The following CERS3 variants were observed in gnomAD, a reference collection of about 807,000 sequenced individuals.
CERS3 encodes LAG1 homolog, ceramide synthase 3.
In CERS3, 33 loss-of-function variants were observed where a neutral mutation model predicts 50.3. That is an observed-to-expected ratio of 0.66 (90% CI 0.50 to 0.88). CERS3 has a LOEUF of 0.88. Among genes scored for constraint, CERS3 ranks in the 40% least tolerant of loss-of-function variants. The pLI is 0.00. For synonymous variants in CERS3, 176 were observed against 155.2 expected (o/e 1.13, Z -0.99); for missense variants, 470 against 460.3 (o/e 1.02, Z -0.19).
At chr15:100,411,949 C>A (rs990494034) in intron 11 of CERS3, among the ~76,000 whole-genome samples, 2 of 152,080 alleles carry the variant, frequency 1.3e-5, no homozygotes, top group Admixed American at 1.3e-4. Flanking sequence ...CAATTTTGAA[C>A]CCAGGTCATT....
chr15:100,508,300 C>G (rs956065379), intron 2 of CERS3, among the ~76,000 whole-genome samples: 1 of 152,142 alleles, frequency 6.6e-6, no homozygotes, highest in Admixed American at 6.5e-5. Context: ...TAATGACACT[C>G]TTAGTTACTG....
rs143254324 is a variant in CERS3, at chr15:100,456,172, T to C, written c.846-126A>G. ...TCGTTTCTAATAAAGCCCAGAAAAT[T>C]ATCAAAAGAAAAGATACGATAATAT... On this transcript the variant is annotated intron_variant, in intron 10 of 11. Transcript: ENST00000679737. The C allele has an allele frequency of 3.5e-4, 203 of 577,570 alleles. 1 individual carries two copies. The highest frequency in any genetic ancestry group is 3.4e-3 in the African/African-American group (178 of 51,938). 35.8% of individuals were successfully genotyped at this position (577,570 alleles called of 1,614,324 possible).
intron 1 of CERS3, among the ~76,000 whole-genome samples, chr15:100,524,165 G>A (rs975857829): frequency 2.6e-5 from 4 of 151,976 alleles, no homozygotes; most frequent in African/African-American, 4.8e-5. Flanking sequence ...TTAATTAGTC[G>A]GTTATGACCA....
At chr15:100,442,410 C>A (rs939036391) in intron 11 of CERS3, among the ~76,000 whole-genome samples, 1 of 152,190 alleles carries the variant, frequency 6.6e-6, no homozygotes, top group Admixed American at 6.5e-5. Context: ...AGAATAGAGG[C>A]AGCCAAGTAA....
At chr15:100,473,973 C>G (rs2035047619) in intron 8 of CERS3, among the ~76,000 whole-genome samples, 1 of 152,198 alleles carries the variant, frequency 6.6e-6, no homozygotes, top group African/African-American at 2.4e-5. Context: ...TGTACTGATA[C>G]ATGCCATAAC....
chr15:100,533,708 T>G (rs2142419648), upstream of CERS3, among the ~76,000 whole-genome samples: 1 of 151,996 alleles, frequency 6.6e-6, no homozygotes, highest in South Asian at 2.1e-4. Flanking sequence ...CAGGCACGTG[T>G]TACCACCCCC....
At chr15:100,434,967 C>T (rs893363645) in intron 11 of CERS3, among the ~76,000 whole-genome samples, 1 of 152,226 alleles carries the variant, frequency 6.6e-6, no homozygotes, top group African/African-American at 2.4e-5. Flanking sequence ...CCCTCCCTCA[C>T]CCTCCTTTCC....
intron 5 of CERS3, among the ~76,000 whole-genome samples, chr15:100,483,797 T>TTTTC (rs1326692508): frequency 4.4e-5 from 6 of 137,684 alleles, no homozygotes; most frequent in African/African-American, 8.0e-5. Context: ...ATTTTTTTTT[T>TTTTC]TGAGACAGAG....
At chr15:100,451,489 G>A (rs921605077) in intron 11 of CERS3, among the ~76,000 whole-genome samples, 1 of 152,126 alleles carries the variant, frequency 6.6e-6, no homozygotes, top group Non-Finnish European at 1.5e-5. Context: ...AGATCACAAG[G>A]TCAGGAGATT....
At chr15:100,533,467 C>A (rs1414385214), upstream of CERS3, among the ~76,000 whole-genome samples, 1 of 152,048 alleles carries the variant, frequency 6.6e-6, no homozygotes, top group African/African-American at 2.4e-5. Context: ...TTTTTGAGGA[C>A]CAATTCATTG....
chr15:100,468,293 A>T (rs2034849423), intron 10 of CERS3, among the ~76,000 whole-genome samples: 1 of 152,214 alleles, frequency 6.6e-6, no homozygotes, highest in Non-Finnish European at 1.5e-5. Flanking sequence ...ACTGAGGCAC[A>T]GAGAGGTGGT....
At chr15:100,535,331 T>G (rs942284608) in intron 1 of CERS3, among the ~76,000 whole-genome samples, 32 of 152,378 alleles carry the variant, frequency 2.1e-4, no homozygotes, top group African/African-American at 7.2e-4. Flanking sequence ...CTGAACATAG[T>G]GTTCAGTCAT....
chr15:100,502,754 C>T (rs989048246), intron 2 of CERS3, among the ~76,000 whole-genome samples: 1 of 152,000 alleles, frequency 6.6e-6, no homozygotes, highest in Non-Finnish European at 1.5e-5. Flanking sequence ...ACATAATAGT[C>T]TCGTAAGCAA....
Position 100,456,064 on chromosome 15 carries a change from T to G in CERS3, c.846-18A>C, listed in dbSNP as rs774942584. On this transcript the variant is annotated intron_variant, in intron 10 of 11. Coordinates refer to ENST00000679737, the MANE Select transcript of CERS3 (RefSeq NM_001378789.1). ...ATAAAATCCTGAAACACCAAACAGTTGAGAGAATTTCATTACAACCAAAGC... is the reference window on the plus strand; with the variant it reads ...ATAAAATCCTGAAACACCAAACAGTGGAGAGAATTTCATTACAACCAAAGC... 6.3e-7 allele frequency: 1 copy of G among 1,579,698 alleles called. No homozygotes were observed. Among genetic ancestry groups the G allele is most frequent in the Non-Finnish European group, 8.6e-7 (1 of 1,164,146 alleles).
At chr15:100,539,949 G>C (rs1335819856) in intron 1 of CERS3, among the ~76,000 whole-genome samples, 2 of 152,122 alleles carry the variant, frequency 1.3e-5, no homozygotes, top group Non-Finnish European at 2.9e-5. Context: ...CCTCCTGCTT[G>C]CTATTACCAA....
intron 11 of CERS3, among the ~76,000 whole-genome samples, chr15:100,416,432 A>T (rs2031910303): frequency 2.0e-5 from 3 of 152,224 alleles, no homozygotes; most frequent in Admixed American, 2.0e-4. Context: ...CAAGCTACAG[A>T]ATGGGAGTAA....
At chr15:100,413,784 A>AC (rs1351407400) in intron 11 of CERS3, among the ~76,000 whole-genome samples, 1 of 151,504 alleles carries the variant, frequency 6.6e-6, no homozygotes, top group Non-Finnish European at 1.5e-5. Context: ...AAAAAAAAAA[A>AC]AACCCTTACA....
At chr15:100,520,556 G>A (rs547432252) in intron 2 of CERS3, among the ~76,000 whole-genome samples, 3 of 152,204 alleles carry the variant, frequency 2.0e-5, no homozygotes, top group Non-Finnish European at 4.4e-5. Context: ...TCTTCACTCT[G>A]TGGCTTATAA....
intron 4 of CERS3, among the ~76,000 whole-genome samples, chr15:100,490,332 C>T (rs2035613783): frequency 1.3e-5 from 2 of 152,198 alleles, no homozygotes; most frequent in South Asian, 4.2e-4. Context: ...CGGGGCACAG[C>T]ATATTTCTGA....
Sources: gnomAD v4.1 joint callset for allele counts (sites outside exome capture counted in the v4.1 genomes callset) on GRCh38, gnomAD v4.1.1 for gene constraint, MANE v1.5 for transcripts, NCBI Gene and HGNC (gene_info 2026-07-23, HGNC 2026-07-21) for gene names.